The following MIS18BP1 variants were observed in gnomAD, a reference collection of about 807,000 sequenced individuals.
MIS18BP1 encodes the protein mis18-binding protein 1.
MIS18BP1 carries 72 observed loss-of-function variants against 116.1 expected under a neutral mutation model. The observed-to-expected ratio is 0.62, with a 90% CI of 0.51 to 0.75. The LOEUF is 0.75. MIS18BP1 is among the 30% of genes least tolerant of loss of function. The pLI, the probability that MIS18BP1 is intolerant of heterozygous loss-of-function variation, is 0.00. For missense variants in MIS18BP1, 1,363 were observed against 1,303.2 expected, an observed-to-expected ratio of 1.05 and a Z score of -0.71; for synonymous variants, 386 against 427.0, an observed-to-expected ratio of 0.90 and a Z score of 1.18.
In MIS18BP1 at chr14:45,224,349, T is replaced by C. The variant is rs1404680837; in HGVS notation, c.2238A>G (p.Arg746=). ...MLTSDFKKNT[R]LLPKLKKIEN... is the part of the protein sequence containing the mutation. ...CTATTTTCTTCAATTTTGGTAATAG[T>C]CTGGTATTTTTCTTAAAGTCAGAGG... The change falls in exon 11 of 17, where the codon AGA becomes AGG. Residue 746 remains arginine, a synonymous_variant. Coordinates refer to ENST00000310806, the MANE Select transcript of MIS18BP1 (RefSeq NM_018353.5). 1.2e-6 allele frequency: 2 copies of C among 1,613,736 alleles called. No individual in the cohort carries two copies. Among genetic ancestry groups the C allele is most frequent in the Non-Finnish European group, 1.7e-6 (2 of 1,179,912 alleles).
At chr14:45,241,592 T>G (rs999742818) in intron 4 of MIS18BP1, 69 of 153,950 alleles carry the variant, frequency 4.5e-4, no homozygotes, top group African/African-American at 1.6e-3. Context: ...TGTAACAGTT[T>G]AATGCTCTAA....
At position 45,224,333 on chromosome 14, in the gene MIS18BP1, T is replaced by A. The variant is rs1427971688; in HGVS notation, c.2254A>T (p.Lys752Ter). Residue 752 changes from lysine (K) to a stop codon, truncating the protein, a stop_gained, in exon 11 of 17, where the codon AAG becomes TAG. Coordinates refer to ENST00000310806, the MANE Select transcript of MIS18BP1 (RefSeq NM_018353.5). LOFTEE classifies it high-confidence loss of function. ...ATAGCTACCTGATTTTCTATTTTCT[T>A]CAATTTTGGTAATAGTCTGGTATTT... ...KKNTRLLPKL[K>*]KIENQVAMSF... is the part of the protein sequence containing the mutation. 6.2e-7 allele frequency: 1 copy of A among 1,613,840 alleles called. No homozygotes were observed. Among genetic ancestry groups the A allele is most frequent in the African/African-American group, 1.3e-5 (1 of 74,934 alleles).
chr14:45,208,120 T>C (rs1048479813), intron 14 of MIS18BP1, among the ~76,000 whole-genome samples: 1 of 152,240 alleles, frequency 6.6e-6, no homozygotes, highest in South Asian at 2.1e-4. Flanking sequence ...TACTATCCAC[T>C]GGACATTTTT....
At chr14:45,236,629 G>C (rs1891436102) in intron 5 of MIS18BP1, among the ~76,000 whole-genome samples, 1 of 152,104 alleles carries the variant, frequency 6.6e-6, no homozygotes, top group Non-Finnish European at 1.5e-5. Context: ...GGTCAACTGG[G>C]ATTAAACTCA....
intron 11 of MIS18BP1, 113 bp downstream of exon 11, chr14:45,223,805 T>G (rs1261791599): frequency 2.6e-6 from 2 of 762,728 alleles, no homozygotes; most frequent in Non-Finnish European, 4.0e-6. Context: ...AATTATAATT[T>G]CTCCCTTTTT....
intron 10 of MIS18BP1, among the ~76,000 whole-genome samples, chr14:45,225,672 G>T (rs922299202): frequency 2.6e-5 from 4 of 152,110 alleles, no homozygotes; most frequent in Admixed American, 1.3e-4. Context: ...AACAACCTGA[G>T]AATCTTATAT....
intron 8 of MIS18BP1, among the ~76,000 whole-genome samples, 155 bp from the exon 9 acceptor site, chr14:45,227,969 G>A (rs1428613385): frequency 6.6e-6 from 1 of 152,144 alleles, no homozygotes; most frequent in African/African-American, 2.4e-5. Flanking sequence ...TTGAGCCCAG[G>A]AGTTCAAGAC....
At chr14:45,217,446 G>A (rs569097777) in intron 12 of MIS18BP1, among the ~76,000 whole-genome samples, 1 of 151,928 alleles carries the variant, frequency 6.6e-6, no homozygotes, top group Non-Finnish European at 1.5e-5. Context: ...TATAGATAAA[G>A]CAAAAAAAGA....
At chr14:45,215,727 T>TG (rs1229004174) in intron 13 of MIS18BP1, among the ~76,000 whole-genome samples, 1 of 134,048 alleles carries the variant, frequency 7.5e-6, no homozygotes, top group African/African-American at 2.9e-5. Flanking sequence ...TTTTTTGAGA[T>TG]GGAGTCTCAC....
rs747687149 is a variant in MIS18BP1 at position 45,247,190 on chromosome 14, T to C, written c.97A>G (p.Ser33Gly). The C allele has an allele frequency of 2.5e-6, 4 of 1,612,826 alleles. No homozygotes were observed. The highest frequency in any genetic ancestry group is 3.4e-6 in the Non-Finnish European group (4 of 1,179,846). ...NLPMDAIFFD[S>G]IPSGTLTPVK... Reference sequence around the variant, plus strand: ...GGAGTAAGTGTGCCTGAAGGAATGCTGTCAAAAAAGATTGCATCCATGGGT... The same window carrying C: ...GGAGTAAGTGTGCCTGAAGGAATGCCGTCAAAAAAGATTGCATCCATGGGT... Residue 33 changes from serine (S) to glycine (G), a missense_variant, in exon 2 of 17, where the codon AGC becomes GGC. By Grantham distance (56) the Ser-to-Gly change is moderately conservative. Coordinates refer to ENST00000310806, the MANE Select transcript of MIS18BP1 (RefSeq NM_018353.5).
intron 5 of MIS18BP1, among the ~76,000 whole-genome samples, chr14:45,236,982 C>T (rs1891446136): frequency 6.6e-6 from 1 of 150,424 alleles, no homozygotes; most frequent in East Asian, 2.0e-4. Context: ...CACTTATAAA[C>T]TTACATATGA....
intron 4 of MIS18BP1, among the ~76,000 whole-genome samples, chr14:45,238,358 A>G (rs1362278476): frequency 6.6e-6 from 1 of 152,178 alleles, no homozygotes; most frequent in African/African-American, 2.4e-5. Context: ...ACTACTTCTG[A>G]TGAGAAAAAA....
intron 13 of MIS18BP1, among the ~76,000 whole-genome samples, chr14:45,216,519 A>T (rs1035560335): frequency 6.6e-6 from 1 of 152,134 alleles, no homozygotes; most frequent in Non-Finnish European, 1.5e-5. Context: ...TTGTTATTCC[A>T]GTAACATTTG....
intron 13 of MIS18BP1, among the ~76,000 whole-genome samples, chr14:45,215,094 T>C (rs1025773033): frequency 6.6e-6 from 1 of 152,186 alleles, no homozygotes; most frequent in African/African-American, 2.4e-5. Flanking sequence ...GGCTAAAATA[T>C]ACATATATAG....
At chr14:45,238,362 GA>G (rs1386903832) in intron 4 of MIS18BP1, among the ~76,000 whole-genome samples, 1 of 151,882 alleles carries the variant, frequency 6.6e-6, no homozygotes, top group Non-Finnish European at 1.5e-5. Flanking sequence ...CTTCTGATGA[GA>G]AAAAAAGTCA....
At chr14:45,213,250 C>T (rs568230387) in intron 13 of MIS18BP1, among the ~76,000 whole-genome samples, 30 of 152,170 alleles carry the variant, frequency 2.0e-4, no homozygotes, top group African/African-American at 6.5e-4. Context: ...TCTGCAGACC[C>T]GTATGGATTT....
chr14:45,231,114 C>T (rs370623818), intron 8 of MIS18BP1, 27 bp downstream of exon 8: 1 of 1,606,372 alleles, frequency 6.2e-7, no homozygotes, highest in South Asian at 1.1e-5. Context: ...ACCACTGTAC[C>T]AACAGAGAAG....
At chr14:45,222,664 G>A (rs1378886334) in intron 11 of MIS18BP1, among the ~76,000 whole-genome samples, 2 of 152,154 alleles carry the variant, frequency 1.3e-5, no homozygotes, top group Non-Finnish European at 2.9e-5. Context: ...TCAGTTCTCA[G>A]TCTTTTATAT....
intron 10 of MIS18BP1, 117 bp downstream of exon 10, chr14:45,226,626 C>A: frequency 1.2e-6 from 1 of 843,868 alleles, no homozygotes. Context: ...CATTTAAAAA[C>A]ATTAAATAAT....
Sources: gnomAD v4.1 joint callset for allele counts (sites outside exome capture counted in the v4.1 genomes callset) on GRCh38, gnomAD v4.1.1 for gene constraint, MANE v1.5 for transcripts, NCBI Gene and HGNC (gene_info 2026-07-23, HGNC 2026-07-21) for gene names.